ADAMTS16: variants seen among roughly 807,000 people sequenced by gnomAD.
ADAMTS16 encodes the protein A disintegrin and metalloproteinase with thrombospondin motifs 16.
A neutral mutation model predicts 145.8 loss-of-function variants in ADAMTS16; 94 were observed. That is an observed-to-expected ratio of 0.64 (90% CI 0.55 to 0.77). The LOEUF is 0.77. Ranked by LOEUF, ADAMTS16 falls within the 30% of genes least tolerant of loss-of-function variation. The pLI is 0.00. For missense variants in ADAMTS16, 1,585 were observed against 1,591.5 expected, an observed-to-expected ratio of 1.00 and a Z score of 0.07; for synonymous variants, 659 against 604.3, an observed-to-expected ratio of 1.09 and a Z score of -1.33.
intron 3 of ADAMTS16, among the ~76,000 whole-genome samples, chr5:5,151,978 G>C (rs906500139): frequency 6.6e-6 from 1 of 151,888 alleles, no homozygotes; most frequent in Non-Finnish European, 1.5e-5. Context: ...TAGATTCCAC[G>C]TGTAAGTGAG....
At chr5:5,298,585 C>T (rs551124753) in intron 18 of ADAMTS16, among the ~76,000 whole-genome samples, 49 of 152,248 alleles carry the variant, frequency 3.2e-4, no homozygotes, top group Non-Finnish European at 5.7e-4. Flanking sequence ...CAGCTTACAG[C>T]CGGCCTGCAC....
chr5:5,158,377 T>G (rs1734655760), intron 3 of ADAMTS16, among the ~76,000 whole-genome samples: 1 of 152,070 alleles, frequency 6.6e-6, no homozygotes, highest in African/African-American at 2.4e-5. Context: ...GGTAAATGGA[T>G]GGAAGAAAGA....
At chr5:5,242,527 G>A (rs776004954) in intron 17 of ADAMTS16, among the ~76,000 whole-genome samples, 12 of 152,078 alleles carry the variant, frequency 7.9e-5, no homozygotes, top group Admixed American at 1.3e-4. Context: ...TCATGTTGAC[G>A]GTGAGAAACA....
intron 3 of ADAMTS16, among the ~76,000 whole-genome samples, chr5:5,180,503 T>C (rs1459050723): frequency 6.6e-6 from 1 of 152,210 alleles, no homozygotes; most frequent in East Asian, 1.9e-4. Flanking sequence ...AGTATAATCT[T>C]CTTGCATCCC....
chr5:5,190,121 G>T lies in ADAMTS16; in HGVS notation c.1198G>T (p.Asp400Tyr). 6.3e-7 allele frequency: 1 copy of T among 1,595,220 alleles called. No individual in the cohort carries two copies. The highest frequency in any genetic ancestry group is 8.5e-7 in the Non-Finnish European group (1 of 1,170,460). The change falls in exon 7 of 23, where the codon GAC (aspartate) becomes TAC (tyrosine). Residue 400 changes from aspartate to tyrosine, a missense_variant. By Grantham distance (160) the Asp-to-Tyr change is radical (BLOSUM62 -3). This residue lies in a region of ADAMTS16 where 298 missense variants were observed against 367.6 expected (regional missense o/e 0.81). Coordinates refer to ENST00000274181, the MANE Select transcript of ADAMTS16 (RefSeq NM_139056.4). Reference sequence around the variant, plus strand: ...ATGTTCCTGGAAGAATGAGCCCTGTGACACTTTGGGTGAGAACCTCCAGCA... The same window carrying T: ...ATGTTCCTGGAAGAATGAGCCCTGTTACACTTTGGGTGAGAACCTCCAGCA... ...DICSWKNEPC[D>Y]TLGFAPISGM...
chr5:5,208,169 G>C (rs550242181), intron 9 of ADAMTS16, among the ~76,000 whole-genome samples: 2 of 152,084 alleles, frequency 1.3e-5, no homozygotes, highest in African/African-American at 4.8e-5. Flanking sequence ...TTTTATGCAC[G>C]GAGTCCTGAG....
chr5:5,245,476 G>T (rs1737413265), intron 17 of ADAMTS16, among the ~76,000 whole-genome samples: 1 of 152,262 alleles, frequency 6.6e-6, no homozygotes, highest in Admixed American at 6.5e-5. Flanking sequence ...AGTATAGATG[G>T]TATTTTCCTC....
chr5:5,149,333 T>C (rs936942853), intron 3 of ADAMTS16, among the ~76,000 whole-genome samples: 2 of 149,188 alleles, frequency 1.3e-5, no homozygotes, highest in Admixed American at 6.7e-5. Flanking sequence ...CATAAATGTG[T>C]GTCACTCAGG....
chr5:5,153,244 T>C (rs1560925432), intron 3 of ADAMTS16, among the ~76,000 whole-genome samples: 1 of 152,250 alleles, frequency 6.6e-6, no homozygotes, highest in East Asian at 1.9e-4. Context: ...TTTGTAATGT[T>C]AAATTTGCAG....
intron 5 of ADAMTS16, among the ~76,000 whole-genome samples, chr5:5,187,399 C>T (rs1285591657): frequency 6.6e-6 from 1 of 152,076 alleles, no homozygotes; most frequent in Non-Finnish European, 1.5e-5. Flanking sequence ...TATGGAATTC[C>T]TTGCCAGGAG....
At chr5:5,251,338 A>T (rs1737616035) in intron 17 of ADAMTS16, among the ~76,000 whole-genome samples, 1 of 152,182 alleles carries the variant, frequency 6.6e-6, no homozygotes, top group Non-Finnish European at 1.5e-5. Context: ...TATGAGCATG[A>T]ACAGCCCACT....
intron 18 of ADAMTS16, among the ~76,000 whole-genome samples, chr5:5,283,905 G>T (rs1739017843): frequency 6.6e-6 from 1 of 152,098 alleles, no homozygotes; most frequent in Non-Finnish European, 1.5e-5. Context: ...TGGTCTGGTG[G>T]CTTTAATAGT....
chr5:5,234,959 A>C lies in ADAMTS16; in HGVS notation c.1851-55A>C, dbSNP rs954034949. ...ATCTCTCCAATAAGCCTAATTTTAA[A>C]GAATTTAGTAGCTACTAAAATATAA... On this transcript the variant is annotated intron_variant, in intron 12 of 22. Coordinates refer to ENST00000274181, the MANE Select transcript of ADAMTS16 (RefSeq NM_139056.4). 2.8e-6 allele frequency: 4 copies of C among 1,415,702 alleles called. No individual in the cohort carries two copies. In the African/African-American group the frequency reaches 5.8e-5, roughly 20 times the overall value. The allele number at this position is 1,415,702 out of a possible 1,614,324, so 87.7% of individuals were successfully genotyped here. A position where few individuals can be genotyped will look rare whatever the true frequency, so the allele number is the denominator to read the frequency against.
intron 17 of ADAMTS16, among the ~76,000 whole-genome samples, chr5:5,250,709 CTGTG>C (rs66744630): frequency 1.1e-4 from 14 of 123,028 alleles, no homozygotes; most frequent in South Asian, 5.1e-4. Flanking sequence ...TCTCTTCTCT[CTGTG>C]TGTGTGTGTG....
In ADAMTS16 at chr5:5,250,777, G is replaced by A. The variant is rs16875146; in HGVS notation, c.2662+8586G>A. Among the ~76,000 whole-genome samples, 699 of 151,816 alleles carry A rather than the reference G, an allele frequency of 4.6e-3. 6 individuals carry two copies. Among genetic ancestry groups the A allele is most frequent in the African/African-American group, 0.016 (673 of 41,430 alleles). ...GAGGCACAGAGATGTGTGTTTTAAA[G>A]GGGCTTCTAAGGTCTCTCCAGTTTG... On this transcript the variant is annotated intron_variant, in intron 17 of 22. Coordinates refer to ENST00000274181, the MANE Select transcript of ADAMTS16 (RefSeq NM_139056.4).
Position 5,140,499 on chromosome 5 carries a change from T to G in ADAMTS16, c.32T>G (p.Leu11Trp). MKPRARGWRG[L>W]AALWMLLAQV... ...CCCCGCGCGCGCGGATGGCGGGGCT[T>G]GGCGGCGCTGTGGATGCTGTTGGCG... is the stretch of plus-strand genomic sequence containing the variant. The change falls in exon 1 of 23, where the codon TTG becomes TGG. Residue 11 changes from leucine (L) to tryptophan (W), a missense_variant. Physicochemically the swap from Leu to Trp is moderately conservative, Grantham distance 61 (BLOSUM62 -2). Coordinates refer to ENST00000274181, the MANE Select transcript of ADAMTS16 (RefSeq NM_139056.4). 1 of 1,519,178 alleles carries G rather than the reference T, an allele frequency of 6.6e-7. No homozygotes were observed. Among genetic ancestry groups the G allele is most frequent in the Non-Finnish European group, 8.7e-7 (1 of 1,143,732 alleles). The allele number at this position is 1,519,178 out of a possible 1,614,324, so 94.1% of individuals were successfully genotyped here. A position where few individuals can be genotyped will look rare whatever the true frequency, so the allele number is the denominator to read the frequency against.
intron 18 of ADAMTS16, among the ~76,000 whole-genome samples, chr5:5,291,003 T>C (rs996772223): frequency 1.3e-5 from 2 of 152,196 alleles, no homozygotes; most frequent in Non-Finnish European, 2.9e-5. Flanking sequence ...CTTGGGAGCA[T>C]TGTTTTCTGC....
At chr5:5,178,757 C>T (rs927429340) in intron 3 of ADAMTS16, among the ~76,000 whole-genome samples, 2 of 152,126 alleles carry the variant, frequency 1.3e-5, no homozygotes, top group African/African-American at 4.8e-5. Context: ...CCCTGGGCCA[C>T]CCAGAATGTA....
At chr5:5,247,577 C>T (rs1279454756) in intron 17 of ADAMTS16, among the ~76,000 whole-genome samples, 2 of 151,750 alleles carry the variant, frequency 1.3e-5, no homozygotes, top group Non-Finnish European at 2.9e-5. Flanking sequence ...GCAGTTCCAG[C>T]AAGCCTCCAC....
Sources: gnomAD v4.1 joint callset for allele counts (sites outside exome capture counted in the v4.1 genomes callset) on GRCh38, gnomAD v4.1.1 for gene constraint, gnomAD v4.1.1 regional missense constraint, MANE v1.5 for transcripts, NCBI Gene and HGNC (gene_info 2026-07-23, HGNC 2026-07-21) for gene names.